CFAP20DC: variants seen among roughly 807,000 people sequenced by gnomAD.
CFAP20DC encodes the protein CFAP20 domain containing.
Under a neutral mutation model 101.7 loss-of-function variants are expected in CFAP20DC, and 84 were observed. The observed-to-expected ratio is 0.83, with a 90% CI of 0.69 to 0.99. The LOEUF is 0.99. Among genes scored for constraint, CFAP20DC ranks in the 50% least tolerant of loss-of-function variants. The probability of loss-of-function intolerance (pLI) is 0.00; values close to 1 mark genes in which losing one functional copy is unlikely to be tolerated. For synonymous variants in CFAP20DC, 359 were observed against 351.2 expected, an observed-to-expected ratio of 1.02 and a Z score of -0.25; for missense variants, 1,007 against 970.3, an observed-to-expected ratio of 1.04 and a Z score of -0.50.
chr3:58,834,334 C>T (rs73078051), intron 13 of CFAP20DC, among the ~76,000 whole-genome samples: 4 of 152,220 alleles, frequency 2.6e-5, no homozygotes, highest in East Asian at 1.9e-4. Context: ...TGGGATTAAG[C>T]GTTCTAATGT....
intron 16 of CFAP20DC, among the ~76,000 whole-genome samples, chr3:58,747,413 G>T (rs1244674790): frequency 6.6e-6 from 1 of 152,100 alleles, no homozygotes; most frequent in East Asian, 1.9e-4. Flanking sequence ...TATATTTAAT[G>T]CATTTTAACT....
chr3:58,948,980 C>T (rs1203340702), intron 4 of CFAP20DC, among the ~76,000 whole-genome samples: 1 of 152,138 alleles, frequency 6.6e-6, no homozygotes, highest in Non-Finnish European at 1.5e-5. Context: ...TGTTATTGGT[C>T]TATTCAGAGA....
intron 5 of CFAP20DC, among the ~76,000 whole-genome samples, chr3:58,918,984 A>C (rs539299329): frequency 2.6e-5 from 4 of 152,346 alleles, no homozygotes; most frequent in Admixed American, 1.3e-4. Flanking sequence ...AAATGCACAG[A>C]TGTTAAGGAT....
At position 58,895,866 on chromosome 3, in the gene CFAP20DC, C is replaced by T. The variant is rs189813454; in HGVS notation, c.551-11157G>A. ...GTCACATCTTACATGGATGGCAGCACGCAAAGAGAGTTTGTCTAGGGAAAC... is the reference window on the plus strand; with the variant it reads ...GTCACATCTTACATGGATGGCAGCATGCAAAGAGAGTTTGTCTAGGGAAAC... On this transcript the variant is annotated intron_variant, in intron 6 of 16. Transcript: ENST00000482387. Among the ~76,000 whole-genome samples the T allele has an allele frequency of 7.2e-4, 109 of 152,316 alleles. 1 individual carries two copies. Among genetic ancestry groups the T allele is most frequent in the African/African-American group, 2.2e-3 (91 of 41,576 alleles).
intron 15 of CFAP20DC, among the ~76,000 whole-genome samples, chr3:58,760,011 A>G (rs574240410): frequency 2.6e-5 from 4 of 152,226 alleles, no homozygotes; most frequent in South Asian, 4.1e-4. Flanking sequence ...TTGACTTGGC[A>G]ATGCGGGCTC....
intron 14 of CFAP20DC, among the ~76,000 whole-genome samples, chr3:58,810,671 C>G (rs1488213709): frequency 1.3e-5 from 2 of 148,354 alleles, no homozygotes; most frequent in Non-Finnish European, 2.9e-5. Flanking sequence ...TCTCACCACT[C>G]CTATTCAACA....
intron 14 of CFAP20DC, among the ~76,000 whole-genome samples, chr3:58,811,125 C>A (rs1406583745): frequency 8.5e-5 from 13 of 152,264 alleles, no homozygotes; most frequent in Admixed American, 7.2e-4. Flanking sequence ...AATGGCCATA[C>A]TGCCCAAGGT....
intron 3 of CFAP20DC, among the ~76,000 whole-genome samples, chr3:58,736,796 A>G (rs972512261): frequency 2.0e-5 from 3 of 152,232 alleles, no homozygotes; most frequent in African/African-American, 7.2e-5. Context: ...TTTCCTACAC[A>G]TCACTTTCGT....
At chr3:58,987,967 T>G (rs1344708728) in intron 4 of CFAP20DC, among the ~76,000 whole-genome samples, 1 of 152,036 alleles carries the variant, frequency 6.6e-6, no homozygotes, top group Non-Finnish European at 1.5e-5. Context: ...TTATCAAATA[T>G]AATTTTATCA....
chr3:58,828,759 C>T (rs1559661426), intron 14 of CFAP20DC, among the ~76,000 whole-genome samples: 2 of 151,698 alleles, frequency 1.3e-5, no homozygotes, highest in Non-Finnish European at 2.9e-5. Context: ...ATGCAATGTA[C>T]CCTGGTGACA....
In CFAP20DC at chr3:58,889,161, A is replaced by G. The variant is rs146189252; in HGVS notation, c.551-4452T>C. ...TCCAATGTGAATTTTATACTTAGAG[A>G]ATGTCTCAATTCAGGCTAGCCACAT... On this transcript the variant is annotated intron_variant, in intron 6 of 16. Transcript: ENST00000482387. Among the ~76,000 whole-genome samples, 798 of 152,286 alleles carry G rather than the reference A, an allele frequency of 5.2e-3. 6 individuals are homozygous for G. Among genetic ancestry groups the G allele is most frequent in the African/African-American group, 0.017 (722 of 41,550 alleles).
chr3:58,971,168 G>C lies in CFAP20DC; in HGVS notation c.279-33406C>G, dbSNP rs914311227. 6.6e-5 allele frequency among the ~76,000 whole-genome samples: 10 copies of C among 152,100 alleles called. No individual in the cohort carries two copies. Among genetic ancestry groups the C allele is most frequent in the African/African-American group, 2.2e-4 (9 of 41,414 alleles). Reference sequence around the variant, plus strand: ...ATTGACTATTCTGTTGAGCCTAACAGTACCATCACAAACGATCACTTTCTG... The same window carrying C: ...ATTGACTATTCTGTTGAGCCTAACACTACCATCACAAACGATCACTTTCTG... On this transcript the variant is annotated intron_variant, in intron 4 of 16. Transcript: ENST00000482387. This position sits in a 1 kb window ranked among gnomAD's most constrained non-coding sequence, Gnocchi z 4.1.
Position 59,039,581 on chromosome 3 carries a change from C to T in CFAP20DC, c.254G>A (p.Gly85Glu). Reference protein sequence around the residue: ...FLVLQIYVPLGQDFSTELLIT... With the variant: ...FLVLQIYVPLEQDFSTELLIT... ...CAGCAATTCAGTGGAGAAGTCTTGTCCCAGGGGTACGTAAATCTGAAGTAC... is the reference window on the plus strand; with the variant it reads ...CAGCAATTCAGTGGAGAAGTCTTGTTCCAGGGGTACGTAAATCTGAAGTAC... Residue 85 changes from glycine to glutamate, a missense_variant, in exon 4 of 17, where the codon GGA becomes GAA. Coordinates refer to ENST00000482387, the MANE Select transcript of CFAP20DC (RefSeq NM_001394063.1). 2.0e-6 allele frequency: 3 copies of T among 1,526,688 alleles called. No homozygotes were observed. The highest frequency in any genetic ancestry group is 1.8e-6 in the Non-Finnish European group (2 of 1,141,202). 94.6% of individuals were successfully genotyped at this position (1,526,688 alleles called of 1,614,324 possible).
intron 6 of CFAP20DC, among the ~76,000 whole-genome samples, chr3:58,902,862 G>A (rs1426876489): frequency 6.6e-6 from 1 of 151,770 alleles, no homozygotes; most frequent in East Asian, 1.9e-4. Context: ...TATACACACT[G>A]TTTATTTGTA....
chr3:58,945,502 T>G (rs939423275), intron 4 of CFAP20DC, among the ~76,000 whole-genome samples: 2 of 152,086 alleles, frequency 1.3e-5, no homozygotes, highest in African/African-American at 2.4e-5. Flanking sequence ...ACAACTAAAA[T>G]TTTGGAGGCT....
chr3:58,895,570 G>C (rs1179509376), intron 6 of CFAP20DC, among the ~76,000 whole-genome samples: 1 of 152,218 alleles, frequency 6.6e-6, no homozygotes, highest in Admixed American at 6.5e-5. Context: ...CATTCAACAA[G>C]TCTTCAGGAA....
chr3:58,931,075 C>A (rs891938177), intron 5 of CFAP20DC, among the ~76,000 whole-genome samples: 1 of 152,160 alleles, frequency 6.6e-6, no homozygotes, highest in Non-Finnish European at 1.5e-5. Context: ...CCGAATACTG[C>A]GCTTTTCCGA....
chr3:58,939,632 G>C (rs368355967), intron 4 of CFAP20DC, among the ~76,000 whole-genome samples: 122 of 151,284 alleles, frequency 8.1e-4, no homozygotes, highest in Middle Eastern at 3.4e-3. Context: ...CTAATTTTTC[G>C]TATTTTTAGT....
chr3:59,019,508 T>C (rs189261916), intron 4 of CFAP20DC, among the ~76,000 whole-genome samples: 1 of 151,596 alleles, frequency 6.6e-6, no homozygotes, highest in African/African-American at 2.4e-5. Flanking sequence ...GCAGCCTAGG[T>C]CCCCCTAAAT....
Sources: allele counts gnomAD v4.1 joint callset (sites outside exome capture counted in the v4.1 genomes callset), GRCh38; gene constraint gnomAD v4.1.1; non-coding constraint Gnocchi (gnomAD v3.1); transcripts MANE v1.5; gene names NCBI Gene and HGNC (gene_info 2026-07-23, HGNC 2026-07-21).